TNFRSF9: variants seen among roughly 807,000 people sequenced by gnomAD.
TNFRSF9 encodes the protein TNF receptor superfamily member 9, also known as tumor necrosis factor receptor superfamily member 9.
Under a neutral mutation model 28.8 loss-of-function variants are expected in TNFRSF9, and 16 were observed. The ratio of observed to expected loss-of-function variants is 0.55; its 90% CI spans 0.38 to 0.84. The LOEUF is 0.84. TNFRSF9 is among the 40% of genes least tolerant of loss of function. The pLI is 0.00. For missense variants in TNFRSF9, 303 were observed against 315.0 expected (o/e 0.96, Z 0.29); for synonymous variants, 131 against 117.0 (o/e 1.12, Z -0.77).
At chr1:7,931,663 G>A (rs573530290) in intron 7 of TNFRSF9, among the ~76,000 whole-genome samples, 3 of 152,336 alleles carry the variant, frequency 2.0e-5, no homozygotes, top group Non-Finnish European at 2.9e-5. Context: ...GATCTAGAAA[G>A]GGCATGCCAA....
intron 4 of TNFRSF9, 28 bp downstream of exon 4, chr1:7,938,165 A>G (rs774798385): frequency 6.4e-7 from 1 of 1,551,146 alleles, no homozygotes; most frequent in Non-Finnish European, 8.7e-7. Context: ...TCACAAAACT[A>G]CACTAGATCA....
In TNFRSF9 at chr1:7,920,731, A is replaced by G; in HGVS notation, c.*104T>C. 4.5e-6 allele frequency: 4 copies of G among 888,872 alleles called. No homozygotes were observed. In the South Asian group the frequency reaches 5.7e-5, roughly 13 times the overall value. 55.1% of individuals were successfully genotyped at this position (888,872 alleles called of 1,614,324 possible). A position where few individuals can be genotyped will look rare whatever the true frequency, so the allele number is the denominator to read the frequency against. ...AACGTGTGTTGGGGGAATCCTGGGT[A>G]TTATGTAGGATGGTGTTCTTGCTTT... is the stretch of plus-strand genomic sequence containing the variant. On this transcript the variant is annotated 3_prime_UTR_variant, in exon 8 of 8. Coordinates refer to ENST00000377507, the MANE Select transcript of TNFRSF9 (RefSeq NM_001561.6).
Position 7,938,344 on chromosome 1 carries a change from C to T in TNFRSF9, c.209-14G>A. ...TCCTGAAAACACCTACAAAGTCCCC[C>T]CAGCCCCCAACATTTTATTACACTT... is the stretch of plus-strand genomic sequence containing the variant. On this transcript the variant is annotated splice_polypyrimidine_tract_variant and intron_variant, in intron 3 of 7. Coordinates refer to ENST00000377507, the MANE Select transcript of TNFRSF9 (RefSeq NM_001561.6). The T allele has an allele frequency of 6.3e-7, 1 of 1,584,730 alleles. No individual in the cohort carries two copies. The highest frequency in any genetic ancestry group is 1.2e-5 in the South Asian group (1 of 86,896).
At chr1:7,937,106 A>G (rs1014171105) in intron 5 of TNFRSF9, among the ~76,000 whole-genome samples, 1 of 152,248 alleles carries the variant, frequency 6.6e-6, no homozygotes, top group Non-Finnish European at 1.5e-5. Flanking sequence ...CAATGAGAGA[A>G]GATAAGAGGC....
rs1054713661 is a variant in TNFRSF9, at chr1:7,919,892, A to C, written c.*943T>G. ...GGCTTTGGTATAAAATATTATGTTA[A>C]AAGTTAAGAATTTTTAGAATGTAAC... On this transcript the variant is annotated 3_prime_UTR_variant, in exon 8 of 8. Coordinates refer to ENST00000377507, the MANE Select transcript of TNFRSF9 (RefSeq NM_001561.6). The C allele has an allele frequency of 6.6e-6, 1 of 152,252 alleles. No homozygotes were observed. The allele number at this position is 152,252 out of a possible 1,614,324, so 9.4% of individuals were successfully genotyped here.
chr1:7,938,508 T>C (rs1161180049), intron 3 of TNFRSF9, among the ~76,000 whole-genome samples, 178 bp from the exon 4 acceptor site: 1 of 152,244 alleles, frequency 6.6e-6, no homozygotes, highest in Non-Finnish European at 1.5e-5. Flanking sequence ...TAAAAACTTC[T>C]CTCTTGTCAA....
At chr1:7,936,290 C>T (rs896674061) in intron 5 of TNFRSF9, among the ~76,000 whole-genome samples, 3 of 152,036 alleles carry the variant, frequency 2.0e-5, no homozygotes, top group African/African-American at 7.2e-5. Flanking sequence ...TGGTTGTGTG[C>T]ACCTGTAATC....
rs1639533218 is a variant in TNFRSF9 at position 7,920,016 on chromosome 1, C to A, written c.*819G>T. The A allele has an allele frequency of 6.6e-6, 1 of 152,326 alleles. No individual in the cohort carries two copies. The highest frequency in any genetic ancestry group is 1.5e-5 in the Non-Finnish European group (1 of 68,058). The allele number at this position is 152,326 out of a possible 1,614,324, so 9.4% of individuals were successfully genotyped here. A position where few individuals can be genotyped will look rare whatever the true frequency, so the allele number is the denominator to read the frequency against. On this transcript the variant is annotated 3_prime_UTR_variant, in exon 8 of 8. Coordinates refer to ENST00000377507, the MANE Select transcript of TNFRSF9 (RefSeq NM_001561.6). ...AACTCTTTCCAAAACTTCCTCCAGGCCTGAGGTTTTTTGTCCTTGACCCTA... is the reference window on the plus strand; with the variant it reads ...AACTCTTTCCAAAACTTCCTCCAGGACTGAGGTTTTTTGTCCTTGACCCTA...
In TNFRSF9 at chr1:7,938,795, C is replaced by G; in HGVS notation, c.134G>C (p.Cys45Ser). 6.2e-7 allele frequency: 1 copy of G among 1,613,408 alleles called. No individual in the cohort carries two copies. The change falls in exon 3 of 8, where the codon TGC (cysteine) becomes TCC (serine). Residue 45 changes from cysteine (C) to serine (S), a missense_variant. Cys to Ser is a moderately radical substitution (Grantham distance 112, BLOSUM62 -1). Coordinates refer to ENST00000377507, the MANE Select transcript of TNFRSF9 (RefSeq NM_001561.6). ...TFCDNNRNQI[C>S]SPCPPNSFSS... ...GAAACTATTTGGAGGACAGGGACTGCAAATCTGATTCCTGTTATTATCACA... is the reference window on the plus strand; with the variant it reads ...GAAACTATTTGGAGGACAGGGACTGGAAATCTGATTCCTGTTATTATCACA...
chr1:7,926,499 T>G (rs1249236706), intron 7 of TNFRSF9, among the ~76,000 whole-genome samples: 1 of 152,184 alleles, frequency 6.6e-6, no homozygotes, highest in Non-Finnish European at 1.5e-5. Context: ...AAGATGTCAA[T>G]TTGCCCGAAA....
rs370720177 is a variant in TNFRSF9 at position 7,917,979 on chromosome 1, T to TATATATATATATAG, written c.*2855_*2856insCTATATATATATAT. 5.3e-4 allele frequency: 69 copies of TATATATATATATAG among 130,978 alleles called. No individual in the cohort carries two copies. Among genetic ancestry groups the TATATATATATATAG allele is most frequent in the African/African-American group, 1.9e-3 (65 of 33,566 alleles). 8.1% of individuals were successfully genotyped at this position (130,978 alleles called of 1,614,324 possible). On this transcript the variant is annotated 3_prime_UTR_variant, in exon 8 of 8. Transcript: ENST00000377507. ...GGATATATATATATATATATATAGA[T>TATATATATATATAG]ATAGATAGATAGATAGATAGATAGG...
chr1:7,927,680 T>A (rs1400075682), intron 7 of TNFRSF9, among the ~76,000 whole-genome samples: 3 of 145,444 alleles, frequency 2.1e-5, no homozygotes, highest in African/African-American at 7.7e-5. Flanking sequence ...AAAAAAAAAA[T>A]CAAGATTTAA....
At position 7,915,914 on chromosome 1, in the gene TNFRSF9, G is replaced by A. The variant is rs1360534512; in HGVS notation, c.*4921C>T. ...TTTTTCCTGTGAACATCATAGTTTT[G>A]TGTTTTATTAGATAGTCTTTTAAAT... On this transcript the variant is annotated 3_prime_UTR_variant, in exon 8 of 8. Transcript: ENST00000377507. The A allele has an allele frequency of 2.0e-5, 3 of 151,034 alleles. No individual in the cohort carries two copies. The highest frequency in any genetic ancestry group is 3.9e-4 in the East Asian group (2 of 5,162). The allele number at this position is 151,034 out of a possible 1,614,324, so 9.4% of individuals were successfully genotyped here.
Position 7,918,706 on chromosome 1 carries a change from C to G in TNFRSF9, c.*2129G>C, listed in dbSNP as rs949035741. On this transcript the variant is annotated 3_prime_UTR_variant, in exon 8 of 8. Coordinates refer to ENST00000377507, the MANE Select transcript of TNFRSF9 (RefSeq NM_001561.6). ...AAATGGGCAAAAAAGCATGAGCAAG[C>G]ATTTTATTTAAAAAAATAAACACAA... 1 of 152,092 alleles carries G rather than the reference C, an allele frequency of 6.6e-6. No individual in the cohort carries two copies. The highest frequency in any genetic ancestry group is 1.5e-5 in the Non-Finnish European group (1 of 68,010). The allele number at this position is 152,092 out of a possible 1,614,324, so 9.4% of individuals were successfully genotyped here.
At chr1:7,930,729 A>G (rs1026606098) in intron 7 of TNFRSF9, among the ~76,000 whole-genome samples, 1 of 152,200 alleles carries the variant, frequency 6.6e-6, no homozygotes, top group Non-Finnish European at 1.5e-5. Flanking sequence ...TGATCGCACC[A>G]TTGCACTTCA....
intron 7 of TNFRSF9, chr1:7,922,104 G>T (rs1490458989): frequency 6.6e-6 from 1 of 152,128 alleles, no homozygotes; most frequent in Non-Finnish European, 1.5e-5. Context: ...TTACTGCTCC[G>T]CAAATTTCAA....
At chr1:7,922,006 T>A (rs1048248103) in intron 7 of TNFRSF9, 4 of 152,152 alleles carry the variant, frequency 2.6e-5, no homozygotes, top group Non-Finnish European at 5.9e-5. Flanking sequence ...TGTGAAGGTA[T>A]CCCCACTGCT....
At chr1:7,925,970 G>A (rs946197223) in intron 7 of TNFRSF9, among the ~76,000 whole-genome samples, 7 of 152,106 alleles carry the variant, frequency 4.6e-5, no homozygotes, top group Admixed American at 1.3e-4. Context: ...ATGCGATCTC[G>A]GCTCACTGCA....
intron 2 of TNFRSF9, among the ~76,000 whole-genome samples, chr1:7,939,348 A>AC (rs1311989825): frequency 1.1e-4 from 17 of 150,994 alleles, no homozygotes; most frequent in South Asian, 8.3e-4. Context: ...ATACACACAC[A>AC]AAAAAAACAA....
Sources: gnomAD v4.1 joint callset for allele counts (sites outside exome capture counted in the v4.1 genomes callset) on GRCh38, gnomAD v4.1.1 for gene constraint, MANE v1.5 for transcripts, NCBI Gene and HGNC (gene_info 2026-07-23, HGNC 2026-07-21) for gene names.